Variants in SRGAP3 observed in about 807,000 individuals in gnomAD.
The protein encoded by SRGAP3 is SLIT-ROBO Rho GTPase-activating protein 3.
Under a neutral mutation model 121.1 loss-of-function variants are expected in SRGAP3, and 39 were observed. That is an observed-to-expected ratio of 0.32 (90% CI 0.25 to 0.42). The LOEUF (loss-of-function observed/expected upper bound fraction) is 0.42. Among genes scored for constraint, SRGAP3 ranks in the 10% least tolerant of loss-of-function variants. The pLI, the probability that SRGAP3 is intolerant of heterozygous loss-of-function variation, is 1.00. For synonymous variants in SRGAP3, 601 were observed against 570.0 expected (o/e 1.05, Z -0.77); for missense variants, 1,213 against 1,470.6 (o/e 0.82, Z 2.86).
chr3:9,222,801 CAGAGCATTTTGCCCCCTTCCCA>C (rs2125202927), intron 1 of SRGAP3, among the ~76,000 whole-genome samples: 1 of 152,340 alleles, frequency 6.6e-6, no homozygotes, highest in Admixed American at 6.5e-5. Flanking sequence ...AGCAGACACT[CAGAGCATTTTGCCCCCTTCCCA>C]AGAGCATTTT....
At chr3:9,152,876 T>A (rs1035338856) in intron 1 of SRGAP3, among the ~76,000 whole-genome samples, 3 of 152,220 alleles carry the variant, frequency 2.0e-5, no homozygotes, top group Non-Finnish European at 2.9e-5. Context: ...TTGGGACAAC[T>A]CTGAAGGGCC....
chr3:9,180,557 A>G (rs1365377270), intron 1 of SRGAP3, among the ~76,000 whole-genome samples: 1 of 152,172 alleles, frequency 6.6e-6, no homozygotes, highest in Non-Finnish European at 1.5e-5. Context: ...TCCAGTTCCT[A>G]CAGGCAAGTT....
chr3:9,039,606 AG>A (rs1944925353), intron 10 of SRGAP3, among the ~76,000 whole-genome samples: 1 of 152,190 alleles, frequency 6.6e-6, no homozygotes, highest in Non-Finnish European at 1.5e-5. Flanking sequence ...TTCCATCCCC[AG>A]AAAAAGATCT....
chr3:9,063,724 G>C (rs1471297921), intron 5 of SRGAP3, among the ~76,000 whole-genome samples: 2 of 152,172 alleles, frequency 1.3e-5, no homozygotes, highest in East Asian at 1.9e-4. Context: ...GTTGACATGA[G>C]AGATGAGACG....
At chr3:9,306,125 T>A (rs1466789555) in intron 3 of SRGAP3, among the ~76,000 whole-genome samples, 1 of 152,262 alleles carries the variant, frequency 6.6e-6, no homozygotes, top group Non-Finnish European at 1.5e-5. Flanking sequence ...TGAGATGGCA[T>A]CTCATTGTGG....
At chr3:9,352,275 T>A (rs939986822) in intron 1 of SRGAP3, among the ~76,000 whole-genome samples, 2 of 148,454 alleles carry the variant, frequency 1.3e-5, no homozygotes, top group Non-Finnish European at 1.5e-5. Flanking sequence ...ATGGACATTT[T>A]TTTTTTTTTT....
chr3:9,255,297 C>T (rs1198440961), intron 3 of SRGAP3, among the ~76,000 whole-genome samples: 2 of 152,100 alleles, frequency 1.3e-5, no homozygotes, highest in East Asian at 3.9e-4. Flanking sequence ...AAATGTTAGC[C>T]CACCTCACTC....
chr3:9,060,108 C>G, intron 6 of SRGAP3, 123 bp downstream of exon 6: 1 of 1,507,854 alleles, frequency 6.6e-7, no homozygotes, highest in Non-Finnish European at 9.1e-7. Context: ...CAGCAGGGCT[C>G]AAAAGAGCTG....
At chr3:9,256,995 C>T (rs1455922692) in intron 3 of SRGAP3, 3 of 396,714 alleles carry the variant, frequency 7.6e-6, no homozygotes, top group East Asian at 3.6e-5. Flanking sequence ...TGTTAGCTGG[C>T]ACCCAGTAAG....
At chr3:9,229,038 C>T (rs2700329) in intron 1 of SRGAP3, among the ~76,000 whole-genome samples, 60,794 of 141,690 alleles carry the variant, frequency 0.43, 13,616 homozygotes, top group Admixed American at 0.52. Flanking sequence ...GTCCGCAGTC[C>T]GGCCTGGGCG....
chr3:9,082,006 A>T (rs1392325985), intron 3 of SRGAP3, among the ~76,000 whole-genome samples: 1 of 152,204 alleles, frequency 6.6e-6, no homozygotes, highest in East Asian at 1.9e-4. Flanking sequence ...GTTCCTGCCA[A>T]ATCTCATGCT....
At chr3:9,048,098 A>G (rs1330910914) in intron 9 of SRGAP3, among the ~76,000 whole-genome samples, 1 of 152,270 alleles carries the variant, frequency 6.6e-6, no homozygotes, top group Non-Finnish European at 1.5e-5. Flanking sequence ...GTCCCACGGA[A>G]AGTCAGCCAT....
rs1955167266 is a variant in SRGAP3, at chr3:9,306,720, G to T, written n.442+19290C>A. Among the ~76,000 whole-genome samples, 3 of 152,268 alleles carry T rather than the reference G, an allele frequency of 2.0e-5. 1 individual carries two copies. In the South Asian group the frequency reaches 6.2e-4, roughly 32 times the overall value. ...TTGTCAGGTTTGTCAAAGATCAGATGGTTGTAGATGTGTGGTGCTATTTCT... is the reference window on the plus strand; with the variant it reads ...TTGTCAGGTTTGTCAAAGATCAGATTGTTGTAGATGTGTGGTGCTATTTCT... On this transcript the variant is annotated intron_variant and non_coding_transcript_variant, in intron 3 of 3. Transcript: ENST00000490889.
At chr3:9,039,367 T>C (rs1944915692) in intron 10 of SRGAP3, among the ~76,000 whole-genome samples, 2 of 152,098 alleles carry the variant, frequency 1.3e-5, no homozygotes. Context: ...TTTCTACACA[T>C]CCTCTCTAAG....
intron 1 of SRGAP3, among the ~76,000 whole-genome samples, chr3:9,153,987 G>A (rs777065462): frequency 8.8e-5 from 13 of 147,340 alleles, no homozygotes; most frequent in Non-Finnish European, 1.3e-4. Flanking sequence ...TCCCACCCAC[G>A]TCCCCTCCAC....
At chr3:9,042,168 A>C (rs1256843208) in intron 10 of SRGAP3, among the ~76,000 whole-genome samples, 1 of 152,000 alleles carries the variant, frequency 6.6e-6, no homozygotes, top group Non-Finnish European at 1.5e-5. Flanking sequence ...ATTACATTTG[A>C]CCTAATATCA....
At position 9,145,758 on chromosome 3, in the gene SRGAP3, G is replaced by C. The variant is rs564943895; in HGVS notation, c.68-20841C>G. Among the ~76,000 whole-genome samples, 109 of 152,274 alleles carry C rather than the reference G, an allele frequency of 7.2e-4. 1 individual carries two copies. The highest frequency in any genetic ancestry group is 1.7e-3 in the South Asian group (8 of 4,828). ...AACTCAGGAAGTAGGGGAGATGGTAGGAACTAAAAGGGCCAGGGAGGTTTC... is the reference window on the plus strand; with the variant it reads ...AACTCAGGAAGTAGGGGAGATGGTACGAACTAAAAGGGCCAGGGAGGTTTC... On this transcript the variant is annotated intron_variant, in intron 1 of 21. Transcript: ENST00000383836.
chr3:9,161,959 T>C (rs1233694108), intron 1 of SRGAP3, among the ~76,000 whole-genome samples: 1 of 152,248 alleles, frequency 6.6e-6, no homozygotes, highest in Non-Finnish European at 1.5e-5. Flanking sequence ...AGGTGTGCTA[T>C]ATCCACATAG....
At chr3:9,214,724 T>C (rs1390769016) in intron 1 of SRGAP3, among the ~76,000 whole-genome samples, 1 of 152,202 alleles carries the variant, frequency 6.6e-6, no homozygotes, top group African/African-American at 2.4e-5. Context: ...TGGCATCCTT[T>C]GATTCAGATG....
Sources: allele counts gnomAD v4.1 joint callset (sites outside exome capture counted in the v4.1 genomes callset), GRCh38; gene constraint gnomAD v4.1.1; transcripts MANE v1.5; gene names NCBI Gene and HGNC (gene_info 2026-07-23, HGNC 2026-07-21).